The following KALRN variants were observed in gnomAD, a reference collection of about 807,000 sequenced individuals.
KALRN encodes kalirin RhoGEF kinase.
A neutral mutation model predicts 353.7 loss-of-function variants in KALRN; 70 were observed. The ratio of observed to expected loss-of-function variants is 0.20; its 90% CI spans 0.16 to 0.24. The LOEUF (loss-of-function observed/expected upper bound fraction) is 0.24. Ranked by LOEUF, KALRN falls within the 10% of genes least tolerant of loss-of-function variation. The pLI is 1.00. For missense variants in KALRN, 2,791 were observed against 3,756.7 expected, an observed-to-expected ratio of 0.74 and a Z score of 6.72; for synonymous variants, 1,391 against 1,434.8, an observed-to-expected ratio of 0.97 and a Z score of 0.69.
intron 33 of KALRN, among the ~76,000 whole-genome samples, chr3:124,550,381 G>A (rs914157975): frequency 3.3e-5 from 5 of 152,150 alleles, no homozygotes; most frequent in African/African-American, 1.2e-4. Context: ...TTTGTGATCA[G>A]ATCCCATTAC....
chr3:124,661,419 A>G (rs780912339), intron 44 of KALRN, among the ~76,000 whole-genome samples: 67 of 152,216 alleles, frequency 4.4e-4, no homozygotes, highest in Admixed American at 9.2e-4. Flanking sequence ...CAATGTCACT[A>G]TGGGATTATT....
chr3:124,087,914 A>G (rs1235461890), intron 1 of KALRN, among the ~76,000 whole-genome samples: 1 of 152,200 alleles, frequency 6.6e-6, no homozygotes, highest in Non-Finnish European at 1.5e-5. Context: ...AAAATTCAAA[A>G]TGTGTAAGAT....
At chr3:124,382,763 C>A (rs1172884225) in intron 10 of KALRN, among the ~76,000 whole-genome samples, 1 of 152,116 alleles carries the variant, frequency 6.6e-6, no homozygotes, top group Non-Finnish European at 1.5e-5. Flanking sequence ...TGAGGGATTC[C>A]TAAAATACCT....
At chr3:124,241,745 T>C (rs1246695802) in intron 3 of KALRN, among the ~76,000 whole-genome samples, 1 of 152,096 alleles carries the variant, frequency 6.6e-6, no homozygotes, top group Non-Finnish European at 1.5e-5. Flanking sequence ...AAATAGAGGG[T>C]TGAACCCAGT....
Position 124,687,374 on chromosome 3 carries a change from G to A in KALRN, c.7378-6430G>A, listed in dbSNP as rs374793807. ...TCCTAACTGACTCCTAGGCTGCCAG[G>A]AGCAGCTGGAGACCAGTGCATACAC... is the stretch of plus-strand genomic sequence containing the variant. On this transcript the variant is annotated intron_variant, in intron 51 of 59. Transcript: ENST00000682506. Among the ~76,000 whole-genome samples, 65 of 152,214 alleles carry A rather than the reference G, an allele frequency of 4.3e-4. 1 individual carries two copies. In the South Asian group the frequency reaches 0.013, roughly 30 times the overall value.
chr3:124,575,016 T>A (rs1483871544), intron 34 of KALRN, among the ~76,000 whole-genome samples: 3 of 152,160 alleles, frequency 2.0e-5, no homozygotes, highest in Non-Finnish European at 4.4e-5. Context: ...TATGTGGGGG[T>A]GAAACTGCAG....
At chr3:124,455,116 T>C in intron 21 of KALRN, 61 bp from the exon 22 acceptor site, 1 of 1,575,832 alleles carries the variant, frequency 6.3e-7, no homozygotes, top group Non-Finnish European at 8.7e-7. Context: ...AGAGAGGATT[T>C]GGGGTGAAGG....
rs149679273 is a variant in KALRN, at chr3:124,147,771, G to A, written c.74-80219G>A. On this transcript the variant is annotated intron_variant, in intron 1 of 59. Transcript: ENST00000682506. ...ATCTGGAAGAGGGAGAGGGTGGTTG[G>A]TCTAGAAGCCAGGTCATATCCAGAA... Among the ~76,000 whole-genome samples the A allele has an allele frequency of 2.0e-5, 3 of 152,280 alleles. No individual in the cohort carries two copies. The East Asian group carries it at 5.8e-4, about 29-fold the overall frequency.
chr3:124,123,043 G>A (rs1201208520), intron 1 of KALRN, among the ~76,000 whole-genome samples: 1 of 151,942 alleles, frequency 6.6e-6, no homozygotes, highest in African/African-American at 2.4e-5. Context: ...TCTACAAAAA[G>A]CACAAAAATT....
chr3:124,498,823 G>A (rs572450666), intron 33 of KALRN, among the ~76,000 whole-genome samples: 19 of 152,080 alleles, frequency 1.2e-4, no homozygotes, highest in African/African-American at 4.3e-4. Context: ...TTCTTCTTCT[G>A]TTAAATCACT....
At chr3:124,347,355 T>G (rs2082374613) in intron 10 of KALRN, 90 bp downstream of exon 10, 2 of 1,355,338 alleles carry the variant, frequency 1.5e-6, no homozygotes, top group Admixed American at 2.3e-5. Flanking sequence ...TTTGAAGAGG[T>G]GGCTCAGGTG....
At chr3:124,273,963 C>G (rs2074434930) in intron 5 of KALRN, among the ~76,000 whole-genome samples, 1 of 152,150 alleles carries the variant, frequency 6.6e-6, no homozygotes, top group Non-Finnish European at 1.5e-5. Flanking sequence ...TGTGGTAGAC[C>G]CTGTGTGATG....
Position 124,719,810 on chromosome 3 carries a change from C to G in KALRN, c.*340C>G, listed in dbSNP as rs1223728412. The G allele has an allele frequency of 4.5e-6, 1 of 220,802 alleles. No individual in the cohort carries two copies. Among genetic ancestry groups the G allele is most frequent in the Non-Finnish European group, 9.1e-6 (1 of 110,208 alleles). The allele number at this position is 220,802 out of a possible 1,614,324, so 13.7% of individuals were successfully genotyped here. A position where few individuals can be genotyped will look rare whatever the true frequency, so the allele number is the denominator to read the frequency against. ...GTTAACTGGGCAAACCTTAAGCTCA[C>G]AAGAGTATAAAAGATCTCTGGCTTT... On this transcript the variant is annotated 3_prime_UTR_variant, in exon 60 of 60. Coordinates refer to ENST00000682506, the MANE Select transcript of KALRN (RefSeq NM_001388419.1). The surrounding 1 kb of genome is among the most constrained non-coding windows in gnomAD (Gnocchi z 5.3).
chr3:124,423,768 G>A (rs1253702897), intron 15 of KALRN, among the ~76,000 whole-genome samples: 1 of 152,218 alleles, frequency 6.6e-6, no homozygotes, highest in Non-Finnish European at 1.5e-5. Flanking sequence ...CTAATTGGGA[G>A]GCTAAGGAAG....
intron 33 of KALRN, among the ~76,000 whole-genome samples, chr3:124,534,211 A>G (rs538719044): frequency 6.6e-6 from 1 of 152,360 alleles, no homozygotes; most frequent in South Asian, 2.1e-4. Flanking sequence ...GAGAGAAAGA[A>G]TATTAAGTAA....
chr3:124,338,753 A>G (rs910804743), intron 9 of KALRN, among the ~76,000 whole-genome samples: 2 of 152,114 alleles, frequency 1.3e-5, no homozygotes, highest in Non-Finnish European at 2.9e-5. Context: ...GTCTCCCACT[A>G]TTATTGTGTG....
chr3:124,716,276 C>T (rs914185518), intron 58 of KALRN, among the ~76,000 whole-genome samples: 2 of 152,196 alleles, frequency 1.3e-5, no homozygotes, highest in Non-Finnish European at 2.9e-5. Flanking sequence ...GTAATCCCAC[C>T]GTTTTGGGAG....
chr3:124,111,512 T>C (rs1194292041), intron 1 of KALRN, among the ~76,000 whole-genome samples: 1 of 152,158 alleles, frequency 6.6e-6, no homozygotes, highest in Non-Finnish European at 1.5e-5. Context: ...TAACAAAATG[T>C]GGGTCTGTAA....
chr3:124,297,732 A>G (rs1404495550), intron 5 of KALRN, among the ~76,000 whole-genome samples: 2 of 152,236 alleles, frequency 1.3e-5, no homozygotes, highest in Non-Finnish European at 2.9e-5. Flanking sequence ...AATAAAGAGG[A>G]TTTCTTGGCT....
Sources: gnomAD v4.1 joint callset for allele counts (sites outside exome capture counted in the v4.1 genomes callset) on GRCh38, gnomAD v4.1.1 for gene constraint, Gnocchi (gnomAD v3.1) non-coding constraint, MANE v1.5 for transcripts, NCBI Gene and HGNC (gene_info 2026-07-23, HGNC 2026-07-21) for gene names.